Variants in CD109 observed in about 807,000 individuals in gnomAD.
CD109 encodes the protein CD109 antigen.
A neutral mutation model predicts 165.8 loss-of-function variants in CD109; 149 were observed. The ratio of observed to expected loss-of-function variants is 0.90; its 90% CI spans 0.79 to 1.03. The LOEUF is 1.03. Ranked by LOEUF, CD109 falls within the 50% of genes least tolerant of loss-of-function variation. CD109 has a pLI of 0.00. For missense variants in CD109, 1,712 were observed against 1,677.8 expected (o/e 1.02, Z -0.36); for synonymous variants, 585 against 592.1 (o/e 0.99, Z 0.18).
At chr6:73,777,182 A>G (rs1053288370) in intron 15 of CD109, among the ~76,000 whole-genome samples, 4 of 147,202 alleles carry the variant, frequency 2.7e-5, no homozygotes, top group African/African-American at 1.0e-4. Context: ...GGTCTTGAAA[A>G]CTCTTGATCT....
chr6:73,701,511 A>G (rs1009349246), intron 2 of CD109, among the ~76,000 whole-genome samples: 2 of 152,166 alleles, frequency 1.3e-5, no homozygotes, highest in African/African-American at 4.8e-5. Context: ...CTTACTGTGA[A>G]AGGAGTTCCT....
chr6:73,792,514 T>G, intron 22 of CD109, 112 bp from the exon 23 acceptor site: 12 of 886,832 alleles, frequency 1.4e-5, no homozygotes, highest in Non-Finnish European at 1.6e-5. Flanking sequence ...AGTGGAATAA[T>G]GATATTGCTT....
the CD109 span, among the ~76,000 whole-genome samples, chr6:73,679,456 A>G: frequency 1.3e-5 from 2 of 151,894 alleles, no homozygotes; most frequent in African/African-American, 4.8e-5. Flanking sequence ...TACAATTAAA[A>G]CGTCCCTAAT....
chr6:73,788,425 T>C, intron 21 of CD109, 43 bp from the exon 22 acceptor site: 1 of 1,577,800 alleles, frequency 6.3e-7, no homozygotes, highest in African/African-American at 1.4e-5. Flanking sequence ...TCTGTAAACA[T>C]GTGAGTAGAG....
chr6:73,816,362 A>G (rs1317150838), intron 30 of CD109, among the ~76,000 whole-genome samples: 1 of 152,248 alleles, frequency 6.6e-6, no homozygotes, highest in African/African-American at 2.4e-5. Context: ...ACCTACAGTA[A>G]TTACAAACTT....
intron 4 of CD109, among the ~76,000 whole-genome samples, chr6:73,735,089 A>G (rs185107950): frequency 5.9e-5 from 9 of 152,326 alleles, no homozygotes; most frequent in African/African-American, 2.2e-4. Context: ...ACCTACATGC[A>G]TGGGCTTTTT....
intron 8 of CD109, 82 bp downstream of exon 8, chr6:73,762,562 C>G: frequency 9.3e-7 from 1 of 1,074,720 alleles, no homozygotes; most frequent in South Asian, 1.5e-5. Context: ...ACTGAATTAA[C>G]AAAAAGTTAA....
At chr6:73,784,471 G>T (rs1023936463) in intron 19 of CD109, among the ~76,000 whole-genome samples, 2 of 152,174 alleles carry the variant, frequency 1.3e-5, no homozygotes, top group African/African-American at 4.8e-5. Flanking sequence ...GGACATTCAA[G>T]AATCATTAGG....
intron 15 of CD109, among the ~76,000 whole-genome samples, chr6:73,772,926 C>T (rs1198548100): frequency 1.3e-5 from 2 of 148,878 alleles, no homozygotes; most frequent in Non-Finnish European, 3.0e-5. Flanking sequence ...TTTTTTACAA[C>T]CAGTTGGTCA....
intron 5 of CD109, among the ~76,000 whole-genome samples, chr6:73,744,953 A>G (rs1045226925): frequency 2.0e-5 from 3 of 152,108 alleles, no homozygotes; most frequent in Non-Finnish European, 2.9e-5. Context: ...CCATCTCCCC[A>G]CTTTATGGAG....
chr6:73,762,511 A>T (rs965376163), intron 8 of CD109, 31 bp downstream of exon 8: 6 of 1,342,440 alleles, frequency 4.5e-6, no homozygotes, highest in Middle Eastern at 1.8e-4. Context: ...ATAACTTGTG[A>T]TGGGTAAAAT....
At chr6:73,725,507 T>C (rs376749212) in intron 3 of CD109, among the ~76,000 whole-genome samples, 43 of 61,396 alleles carry the variant, frequency 7.0e-4, no homozygotes, top group Non-Finnish European at 1.1e-3. Flanking sequence ...TACACTTCTT[T>C]TTTTTTTTTT....
chr6:73,774,735 T>A (rs1489457966), intron 15 of CD109, among the ~76,000 whole-genome samples: 1 of 152,208 alleles, frequency 6.6e-6, no homozygotes, highest in Non-Finnish European at 1.5e-5. Context: ...CAGCCTGTTT[T>A]CTGACTATGT....
intron 23 of CD109, among the ~76,000 whole-genome samples, chr6:73,800,197 A>C (rs1001743659): frequency 6.6e-6 from 1 of 152,256 alleles, no homozygotes; most frequent in East Asian, 1.9e-4. Flanking sequence ...TAGTATATCT[A>C]TATGTACTAT....
At position 73,809,428 on chromosome 6, in the gene CD109, C is replaced by T. The variant is rs1261606004; in HGVS notation, c.3356-556C>T. Reference sequence around the variant, plus strand: ...TATCTTCTGAAATATATTATTTTTTCCTTTTATTTATAGCTATTTAGTCTT... The same window carrying T: ...TATCTTCTGAAATATATTATTTTTTTCTTTTATTTATAGCTATTTAGTCTT... On this transcript the variant is annotated intron_variant, in intron 26 of 32. Coordinates refer to ENST00000287097, the MANE Select transcript of CD109 (RefSeq NM_133493.5). Among the ~76,000 whole-genome samples, 4 of 151,930 alleles carry T rather than the reference C, an allele frequency of 2.6e-5. No individual in the cohort carries two copies. The East Asian group carries it at 7.7e-4, about 29-fold the overall frequency.
At position 73,771,412 on chromosome 6, in the gene CD109, C is replaced by T. The variant is rs956748023; in HGVS notation, c.1675-17C>T. The T allele has an allele frequency of 3.2e-6, 5 of 1,586,716 alleles. No homozygotes were observed. The highest frequency in any genetic ancestry group is 1.2e-5 in the South Asian group (1 of 85,390). The stretch of plus-strand genomic sequence containing the variant: ...AAAAAAGTGAAATAAGTTAATCCTC[C>T]TTTCTCTCTTTTTTAGATAAAGCTA... On this transcript the variant is annotated splice_polypyrimidine_tract_variant and intron_variant, in intron 14 of 32. Transcript: ENST00000287097.
intron 13 of CD109, among the ~76,000 whole-genome samples, 163 bp from the exon 14 acceptor site, chr6:73,767,892 T>C (rs1207450123): frequency 6.6e-6 from 1 of 152,242 alleles, no homozygotes; most frequent in African/African-American, 2.4e-5. Context: ...TCTCAGTGTA[T>C]GCTCTCTGTG....
chr6:73,771,373 C>G, intron 14 of CD109, 56 bp from the exon 15 acceptor site: 1 of 1,468,842 alleles, frequency 6.8e-7, no homozygotes, highest in Non-Finnish European at 9.3e-7. Context: ...CTGCTATTGG[C>G]AAGAATATGC....
At chr6:73,771,692 G>A (rs1001042779) in intron 15 of CD109, 111 bp downstream of exon 15, 1 of 640,076 alleles carries the variant, frequency 1.6e-6, no homozygotes, top group Non-Finnish European at 2.4e-6. Context: ...CTTTGCATGT[G>A]TAAGTCAATA....
Sources: allele counts gnomAD v4.1 joint callset (sites outside exome capture counted in the v4.1 genomes callset), GRCh38; gene constraint gnomAD v4.1.1; transcripts MANE v1.5; gene names NCBI Gene and HGNC (gene_info 2026-07-23, HGNC 2026-07-21).